KMT2A: variants seen among roughly 807,000 people sequenced by gnomAD.
KMT2A encodes the protein lysine methyltransferase 2A, also known as histone-lysine N-methyltransferase 2A.
KMT2A carries 16 observed loss-of-function variants against 345.3 expected under a neutral mutation model. The observed-to-expected ratio is 0.05, with a 90% CI of 0.03 to 0.07. The LOEUF (loss-of-function observed/expected upper bound fraction) is 0.07, where lower values mean the gene tolerates loss of function less well. Ranked by LOEUF, KMT2A falls within the 10% of genes least tolerant of loss-of-function variation. The pLI, the probability that KMT2A is intolerant of heterozygous loss-of-function variation, is 1.00. For synonymous variants in KMT2A, 1,599 were observed against 1,778.6 expected, an observed-to-expected ratio of 0.90 and a Z score of 2.54; for missense variants, 3,272 against 4,841.6, an observed-to-expected ratio of 0.68 and a Z score of 9.62.
Position 118,436,738 on chromosome 11 carries a change from G to C in KMT2A, c.226G>C (p.Gly76Arg). The C allele has an allele frequency of 6.3e-7, 1 of 1,582,602 alleles. No homozygotes were observed. The highest frequency in any genetic ancestry group is 8.6e-7 in the Non-Finnish European group (1 of 1,165,272). Reference protein sequence around the residue: ...AAGSSGAGVPGGAAAASAASS... With the variant: ...AAGSSGAGVPRGAAAASAASS... ...GGGAAGCAGCGGGGCTGGGGTTCCA[G>C]GGGGAGCGGCCGCCGCCTCAGCAGC... is the stretch of plus-strand genomic sequence containing the variant. The change falls in exon 1 of 36, where the codon GGG becomes CGG. Residue 76 changes from glycine (G) to arginine (R), a missense_variant. By Grantham distance (125) the Gly-to-Arg change is moderately radical (BLOSUM62 -2). Transcript: ENST00000534358. The surrounding 1 kb of genome is among the most constrained non-coding windows in gnomAD (Gnocchi z 6.9).
At chr11:118,446,111 G>T (rs1555027102) in intron 1 of KMT2A, among the ~76,000 whole-genome samples, 1 of 152,012 alleles carries the variant, frequency 6.6e-6, no homozygotes, top group African/African-American at 2.4e-5. Context: ...CACTTTGGAA[G>T]GCCGAGGCAG....
chr11:118,492,294 G>A (rs552631121), intron 15 of KMT2A, among the ~76,000 whole-genome samples: 29 of 152,350 alleles, frequency 1.9e-4, no homozygotes, highest in African/African-American at 6.3e-4. Flanking sequence ...GGCAGGATTC[G>A]TAGTTAGGGG....
At position 118,510,093 on chromosome 11, in the gene KMT2A, T is replaced by C. The variant is rs201067303; in HGVS notation, c.11046T>C (p.Phe3682=). The change falls in exon 30 of 36, where the codon TTT becomes TTC. Residue 3682 remains phenylalanine (F), a synonymous_variant. Transcript: ENST00000534358. This position sits in a 1 kb window ranked among gnomAD's most constrained non-coding sequence, Gnocchi z 4.1. ...TTGAAATTTCCAGTGATGATGGCTT[T>C]CAGATCTGTGCAGAAAGTATTGAAG... The part of the protein sequence containing the change: ...LVFEISSDDG[F]QICAESIEDA... 1.2e-6 allele frequency: 2 copies of C among 1,613,522 alleles called. No individual in the cohort carries two copies. The highest frequency in any genetic ancestry group is 4.5e-5 in the East Asian group (2 of 44,852).
In KMT2A at chr11:118,493,093, G is replaced by C. The variant is rs1555043004; in HGVS notation, c.5041G>C (p.Glu1681Gln). 6.2e-7 allele frequency: 1 copy of C among 1,613,750 alleles called. No homozygotes were observed. The highest frequency in any genetic ancestry group is 1.3e-5 in the African/African-American group (1 of 74,898). ...KPPDLNPETEESIPSRSSPEG... is the reference protein window; with the variant it reads ...KPPDLNPETEQSIPSRSSPEG... ...TCCAGACTTAAATCCCGAGACAGAG[G>C]AGAGTATACCTTCCCGCAGCTCCCC... is the stretch of plus-strand genomic sequence containing the variant. The change falls in exon 16 of 36, where the codon GAG (glutamate) becomes CAG (glutamine). Residue 1681 changes from glutamate to glutamine, a missense_variant. Physicochemically the swap from Glu to Gln is conservative, Grantham distance 29. Coordinates refer to ENST00000534358, the MANE Select transcript of KMT2A (RefSeq NM_001197104.2). The surrounding 1 kb of genome is among the most constrained non-coding windows in gnomAD (Gnocchi z 5.8).
rs1950313653 is a variant in KMT2A at position 118,490,889 on chromosome 11, T to C, written c.4697-307T>C. On this transcript the variant is annotated intron_variant, in intron 13 of 35. Coordinates refer to ENST00000534358, the MANE Select transcript of KMT2A (RefSeq NM_001197104.2). This position sits in a 1 kb window ranked among gnomAD's most constrained non-coding sequence, Gnocchi z 4.2. ...AATATTTAAATATTTCTTACAAATG[T>C]GTGAGAAACTTCTCTCTTCCATTCT... Among the ~76,000 whole-genome samples the C allele has an allele frequency of 6.6e-6, 1 of 152,222 alleles. No homozygotes were observed. The highest frequency in any genetic ancestry group is 6.5e-5 in the Admixed American group (1 of 15,284).
At position 118,491,436 on chromosome 11, in the gene KMT2A, T is replaced by G; in HGVS notation, c.4819+118T>G. ...TGTTATTTGAAATCTCTAAATTTAT[T>G]TTTTAGTCTCTAGAATAAGCAGCAT... On this transcript the variant is annotated intron_variant, in intron 14 of 35. Transcript: ENST00000534358. The surrounding 1 kb of genome is among the most constrained non-coding windows in gnomAD (Gnocchi z 4.2). 1 of 1,008,964 alleles carries G rather than the reference T, an allele frequency of 9.9e-7. No individual in the cohort carries two copies. Among genetic ancestry groups the G allele is most frequent in the Non-Finnish European group, 1.4e-6 (1 of 705,206 alleles). 62.5% of individuals were successfully genotyped at this position (1,008,964 alleles called of 1,614,324 possible).
At chr11:118,468,282 A>T (rs1949883035) in intron 1 of KMT2A, among the ~76,000 whole-genome samples, 1 of 152,206 alleles carries the variant, frequency 6.6e-6, no homozygotes, top group Non-Finnish European at 1.5e-5. Context: ...TTCCTGAGTT[A>T]AGGAACTGAC....
At position 118,494,473 on chromosome 11, in the gene KMT2A, C is replaced by A; in HGVS notation, c.5289+75C>A. The A allele has an allele frequency of 1.1e-6, 1 of 916,188 alleles. No individual in the cohort carries two copies. 56.8% of individuals were successfully genotyped at this position (916,188 alleles called of 1,614,324 possible). On this transcript the variant is annotated intron_variant, in intron 17 of 35. Transcript: ENST00000534358. The surrounding 1 kb of genome is among the most constrained non-coding windows in gnomAD (Gnocchi z 5.8). The stretch of plus-strand genomic sequence containing the variant: ...ACCCTGTGAATACAATGAACTTGTT[C>A]TCTTCTACTTTTTGCTTTGTGGTGT...
In KMT2A at chr11:118,520,833, A is replaced by T; in HGVS notation, c.11461A>T (p.Met3821Leu). 6.2e-7 allele frequency: 1 copy of T among 1,614,160 alleles called. No individual in the cohort carries two copies. ...AACTAGCATGGATCTGCCAATGCCC[A>T]TGCGCTTCCGGCACTTAAAAAAGAC... is the stretch of plus-strand genomic sequence containing the variant. ...RATSMDLPMP[M>L]RFRHLKKTSK... Residue 3821 changes from methionine to leucine, a missense_variant, in exon 34 of 36, where the codon ATG becomes TTG. This residue lies in a region of KMT2A where 78 missense variants were observed against 254.5 expected (regional missense o/e 0.31). Coordinates refer to ENST00000534358, the MANE Select transcript of KMT2A (RefSeq NM_001197104.2). The surrounding 1 kb of genome is among the most constrained non-coding windows in gnomAD (Gnocchi z 4.3).
rs1555043752 is a variant in KMT2A at position 118,495,586 on chromosome 11, T to C, written c.5364-114T>C. 1.0e-5 allele frequency: 7 copies of C among 703,168 alleles called. No individual in the cohort carries two copies. Among genetic ancestry groups the C allele is most frequent in the African/African-American group, 5.5e-5 (3 of 54,530 alleles). The allele number at this position is 703,168 out of a possible 1,614,324, so 43.6% of individuals were successfully genotyped here. ...TTTCAAACGCTGTGACTTGTTCTTA[T>C]ATTCTGTGAATGGCTCCTACATGGG... On this transcript the variant is annotated intron_variant, in intron 18 of 35. Transcript: ENST00000534358. This position sits in a 1 kb window ranked among gnomAD's most constrained non-coding sequence, Gnocchi z 4.1.
At chr11:118,477,812 ATTGGCATT>A (rs1950066663) in intron 4 of KMT2A, among the ~76,000 whole-genome samples, 147 bp from the exon 5 acceptor site, 2 of 152,012 alleles carry the variant, frequency 1.3e-5, no homozygotes, top group South Asian at 4.1e-4. Flanking sequence ...TGGCCAAGTT[ATTGGCATT>A]TTTAAACATT....
intron 5 of KMT2A, 87 bp from the exon 6 acceptor site, chr11:118,480,086 AC>A: frequency 1.0e-6 from 1 of 1,002,664 alleles, no homozygotes; most frequent in Non-Finnish European, 1.6e-6. Context: ...ATACAGATTC[AC>A]TGATTGTTGC....
chr11:118,443,597 T>C (rs1555026437), intron 1 of KMT2A, among the ~76,000 whole-genome samples: 2 of 152,230 alleles, frequency 1.3e-5, no homozygotes, highest in Non-Finnish European at 2.9e-5. Context: ...AACTTTTAGA[T>C]GTTGAATTGA....
rs2134378496 is a variant in KMT2A at position 118,501,022 on chromosome 11, G to A, written c.6194G>A (p.Arg2065His). The A allele has an allele frequency of 2.5e-6, 4 of 1,613,656 alleles. No homozygotes were observed. Among genetic ancestry groups the A allele is most frequent in the Non-Finnish European group, 2.5e-6 (3 of 1,179,658 alleles). Residue 2065 changes from arginine (R) to histidine (H), a missense_variant, in exon 25 of 36, where the codon CGC (arginine) becomes CAC (histidine). By Grantham distance (29) the Arg-to-His change is conservative (BLOSUM62 0). This residue lies in a region of KMT2A where 235 missense variants were observed against 503.4 expected (regional missense o/e 0.47). Transcript: ENST00000534358. ...SRVYWSTTDA[R>H]KRCVYTCKIV... ...GTATACTGGAGCACCACAGATGCTC[G>A]CAAGCGCTGTGTATATACATGCAAG...
At chr11:118,481,592 T>A (rs782287416) in intron 6 of KMT2A, 123 bp from the exon 7 acceptor site, 26 of 1,020,746 alleles carry the variant, frequency 2.5e-5, no homozygotes, top group Non-Finnish European at 3.5e-5. Context: ...GATATACTGA[T>A]TTCCTTTATT....
Position 118,436,590 on chromosome 11 carries a change from C to G in KMT2A, c.78C>G (p.Gly26=). The change falls in exon 1 of 36, where the codon GGC becomes GGG. Residue 26 remains glycine (G), a synonymous_variant. Coordinates refer to ENST00000534358, the MANE Select transcript of KMT2A (RefSeq NM_001197104.2). The surrounding 1 kb of genome is among the most constrained non-coding windows in gnomAD (Gnocchi z 6.9). ...GCGGCGGCGGCGGGGGGCGCCGGGG[C>G]CTAGGGGGCGCCCCGCGGCAACGCG... The part of the protein sequence containing the change: ...TGGGGGGGRR[G]LGGAPRQRVP... The G allele has an allele frequency of 8.5e-7, 1 of 1,173,238 alleles. No individual in the cohort carries two copies. The highest frequency in any genetic ancestry group is 1.1e-6 in the Non-Finnish European group (1 of 942,560). 72.7% of individuals were successfully genotyped at this position (1,173,238 alleles called of 1,614,324 possible). A position where few individuals can be genotyped will look rare whatever the true frequency, so the allele number is the denominator to read the frequency against.
rs187644535 is a variant in KMT2A at position 118,463,293 on chromosome 11, G to T, written c.433-5482G>T. Among the ~76,000 whole-genome samples the T allele has an allele frequency of 8.9e-4, 135 of 152,192 alleles. 1 individual carries two copies. In the Middle Eastern group the frequency reaches 0.01, roughly 12 times the overall value. On this transcript the variant is annotated intron_variant, in intron 1 of 35. Coordinates refer to ENST00000534358, the MANE Select transcript of KMT2A (RefSeq NM_001197104.2). ...AAAGATTAATAACTTTTTATTACCT[G>T]TTGAATACTTTACCTATTGATTATT...
At chr11:118,458,503 G>T (rs1201489828) in intron 1 of KMT2A, among the ~76,000 whole-genome samples, 1 of 152,062 alleles carries the variant, frequency 6.6e-6, no homozygotes, top group Non-Finnish European at 1.5e-5. Context: ...CAAGTTTATT[G>T]CATTTCTTTT....
chr11:118,451,546 T>G (rs1489936652), intron 1 of KMT2A, among the ~76,000 whole-genome samples: 1 of 152,006 alleles, frequency 6.6e-6, no homozygotes, highest in Non-Finnish European at 1.5e-5. Flanking sequence ...TGCCACCACA[T>G]CTGGCTAATT....
Sources: gnomAD v4.1 joint callset for allele counts (sites outside exome capture counted in the v4.1 genomes callset) on GRCh38, gnomAD v4.1.1 for gene constraint, gnomAD v4.1.1 regional missense constraint, Gnocchi (gnomAD v3.1) non-coding constraint, MANE v1.5 for transcripts, NCBI Gene and HGNC (gene_info 2026-07-23, HGNC 2026-07-21) for gene names.